KSR2: variants seen among roughly 807,000 people sequenced by gnomAD.
KSR2 encodes the protein kinase suppressor of ras 2.
KSR2 carries 25 observed loss-of-function variants against 107.8 expected under a neutral mutation model. The ratio of observed to expected loss-of-function variants is 0.23; its 90% CI spans 0.17 to 0.32. The LOEUF (loss-of-function observed/expected upper bound fraction) is 0.32, where lower values mean the gene tolerates loss of function less well. Among genes scored for constraint, KSR2 ranks in the 10% least tolerant of loss-of-function variants. The pLI, the probability that KSR2 is intolerant of heterozygous loss-of-function variation, is 1.00. For synonymous variants in KSR2, 480 were observed against 507.0 expected, an observed-to-expected ratio of 0.95 and a Z score of 0.71; for missense variants, 887 against 1,268.9, an observed-to-expected ratio of 0.70 and a Z score of 4.57.
intron 7 of KSR2, among the ~76,000 whole-genome samples, chr12:117,567,876 T>C (rs1878622412): frequency 6.6e-6 from 1 of 151,206 alleles, no homozygotes; most frequent in Non-Finnish European, 1.5e-5. Context: ...AGCATTCTGG[T>C]CTCATGTGAG....
chr12:117,808,726 T>C (rs958837800), intron 3 of KSR2, among the ~76,000 whole-genome samples: 2 of 152,050 alleles, frequency 1.3e-5, no homozygotes, highest in African/African-American at 4.8e-5. Context: ...CCAGCCCTGG[T>C]GAATTCGTTG....
At chr12:117,836,798 C>T (rs56322070) in intron 3 of KSR2, among the ~76,000 whole-genome samples, 10,890 of 152,282 alleles carry the variant, frequency 0.072, 1,176 homozygotes, top group African/African-American at 0.23. Context: ...AGTCCAGCCA[C>T]TTCTCATCGT....
chr12:117,600,101 A>G (rs902686126), intron 5 of KSR2, among the ~76,000 whole-genome samples: 2 of 152,174 alleles, frequency 1.3e-5, no homozygotes, highest in African/African-American at 2.4e-5. Context: ...TCAGCCTTGT[A>G]CCTAAGGACA....
At chr12:117,539,546 C>T (rs758793695) in intron 10 of KSR2, 173 bp downstream of exon 10, 7 of 561,252 alleles carry the variant, frequency 1.2e-5, no homozygotes, top group Non-Finnish European at 1.8e-5. Flanking sequence ...AGGGTAATTG[C>T]TTAGGGTACG....
intron 1 of KSR2, among the ~76,000 whole-genome samples, chr12:117,863,437 A>C (rs1280823298): frequency 6.6e-6 from 1 of 152,212 alleles, no homozygotes; most frequent in Admixed American, 6.5e-5. Flanking sequence ...TCTGAGCCCC[A>C]GCAGTGAGCG....
At chr12:117,585,873 A>G (rs146503236) in intron 5 of KSR2, among the ~76,000 whole-genome samples, 5 of 152,350 alleles carry the variant, frequency 3.3e-5, no homozygotes, top group African/African-American at 4.8e-5. Flanking sequence ...GGAGTAGAAT[A>G]ATAGACATTT....
intron 5 of KSR2, among the ~76,000 whole-genome samples, chr12:117,632,085 A>T (rs1882833103): frequency 6.6e-6 from 1 of 152,184 alleles, no homozygotes; most frequent in South Asian, 2.1e-4. Flanking sequence ...TATTAATAGG[A>T]GAGGCTAGTT....
chr12:117,788,952 G>A (rs757101701), intron 3 of KSR2, among the ~76,000 whole-genome samples: 40 of 152,160 alleles, frequency 2.6e-4, no homozygotes, highest in Non-Finnish European at 5.6e-4. Context: ...GAATTCCCTG[G>A]AGAGCTTATT....
intron 5 of KSR2, among the ~76,000 whole-genome samples, chr12:117,625,428 G>T (rs995825851): frequency 6.6e-6 from 1 of 152,080 alleles, no homozygotes; most frequent in Non-Finnish European, 1.5e-5. Context: ...GTTGAATTTT[G>T]TCAAAGGCCT....
At chr12:117,865,076 A>T (rs1893428110) in intron 1 of KSR2, among the ~76,000 whole-genome samples, 3 of 152,136 alleles carry the variant, frequency 2.0e-5, no homozygotes, top group South Asian at 4.1e-4. Context: ...AATAATAAAA[A>T]TAATTAATTA....
chr12:117,592,048 G>T (rs1339397612), intron 5 of KSR2, among the ~76,000 whole-genome samples: 2 of 151,560 alleles, frequency 1.3e-5, no homozygotes, highest in Non-Finnish European at 1.5e-5. Context: ...AAACCTTCAG[G>T]ATCTAGTGAA....
chr12:117,852,977 AT>A (rs1269409957), intron 3 of KSR2, among the ~76,000 whole-genome samples: 1 of 152,060 alleles, frequency 6.6e-6, no homozygotes, highest in Non-Finnish European at 1.5e-5. Context: ...AAATTTTTGT[AT>A]TTTTAGTAGA....
At chr12:117,786,412 C>T (rs765505116) in intron 3 of KSR2, among the ~76,000 whole-genome samples, 13 of 151,928 alleles carry the variant, frequency 8.6e-5, no homozygotes, top group Non-Finnish European at 1.5e-4. Flanking sequence ...GTTTGTTGTA[C>T]AGATTATTTC....
chr12:117,514,811 G>A (rs1874261673), intron 14 of KSR2, among the ~76,000 whole-genome samples: 1 of 152,062 alleles, frequency 6.6e-6, no homozygotes, highest in African/African-American at 2.4e-5. Flanking sequence ...GCCTCCCAAA[G>A]TGCTGCAATT....
At chr12:117,672,371 C>T (rs527467788) in intron 4 of KSR2, among the ~76,000 whole-genome samples, 63 of 152,232 alleles carry the variant, frequency 4.1e-4, no homozygotes, top group Non-Finnish European at 8.2e-4. Flanking sequence ...CTGATTGTGA[C>T]CTTGAGAAAG....
At chr12:117,956,846 C>T (rs1460673523) in intron 1 of KSR2, among the ~76,000 whole-genome samples, 1 of 152,194 alleles carries the variant, frequency 6.6e-6, no homozygotes, top group Non-Finnish European at 1.5e-5. Flanking sequence ...AACTAGGACT[C>T]ACCGTATTTC....
chr12:117,792,458 T>C (rs547133783), intron 3 of KSR2, among the ~76,000 whole-genome samples: 38 of 152,310 alleles, frequency 2.5e-4, no homozygotes, highest in South Asian at 1.7e-3. Flanking sequence ...CCTCAACATC[T>C]TCATCTGTGA....
intron 14 of KSR2, among the ~76,000 whole-genome samples, chr12:117,508,190 C>T (rs552531402): frequency 6.6e-6 from 1 of 152,156 alleles, no homozygotes; most frequent in Non-Finnish European, 1.5e-5. Flanking sequence ...ACTAAAATTC[C>T]CATCTACTGA....
At chr12:117,731,824 T>A (rs113052666) in intron 4 of KSR2, among the ~76,000 whole-genome samples, 1 of 148,966 alleles carries the variant, frequency 6.7e-6, no homozygotes, top group Non-Finnish European at 1.5e-5. Context: ...GTTAAACAGA[T>A]GCTTGAAGGC....
Sources: allele counts gnomAD v4.1 joint callset (sites outside exome capture counted in the v4.1 genomes callset), GRCh38; gene constraint gnomAD v4.1.1; transcripts MANE v1.5; gene names NCBI Gene and HGNC (gene_info 2026-07-23, HGNC 2026-07-21).